The following PTPRD variants were observed in gnomAD, a reference collection of about 807,000 sequenced individuals.
PTPRD encodes the protein receptor-type tyrosine-protein phosphatase delta.
A neutral mutation model predicts 214.5 loss-of-function variants in PTPRD; 34 were observed. The observed-to-expected ratio is 0.16, with a 90% CI of 0.12 to 0.21. The LOEUF is 0.21. PTPRD is among the 10% of genes least tolerant of loss of function. The probability of loss-of-function intolerance (pLI) is 1.00; values close to 1 mark genes in which losing one functional copy is unlikely to be tolerated. For synonymous variants in PTPRD, 1,128 were observed against 845.7 expected (o/e 1.33, Z -5.79); for missense variants, 2,545 against 2,398.7 (o/e 1.06, Z -1.27).
chr9:10,376,695 C>A (rs1389892206), intron 2 of PTPRD, among the ~76,000 whole-genome samples: 1 of 151,650 alleles, frequency 6.6e-6, no homozygotes, highest in Non-Finnish European at 1.5e-5. Context: ...GAAGATAATT[C>A]TAAAATTTAT....
At chr9:9,384,575 A>G (rs1336182943) in intron 9 of PTPRD, among the ~76,000 whole-genome samples, 1 of 151,390 alleles carries the variant, frequency 6.6e-6, no homozygotes, top group Non-Finnish European at 1.5e-5. Flanking sequence ...AACTTTTCTA[A>G]TTAAGCCAAC....
intron 9 of PTPRD, among the ~76,000 whole-genome samples, chr9:9,209,087 C>CG (rs1201695198): frequency 6.6e-6 from 1 of 152,122 alleles, no homozygotes; most frequent in Non-Finnish European, 1.5e-5. Flanking sequence ...GAATTACAGG[C>CG]TTGAGCCACC....
chr9:9,082,818 A>G (rs535390641), intron 10 of PTPRD, among the ~76,000 whole-genome samples: 20 of 152,288 alleles, frequency 1.3e-4, no homozygotes, highest in African/African-American at 4.6e-4. Flanking sequence ...CAAAAAGAAT[A>G]AAATACCTAG....
At chr9:10,533,123 C>T (rs1417261632) in intron 2 of PTPRD, among the ~76,000 whole-genome samples, 1 of 152,102 alleles carries the variant, frequency 6.6e-6, no homozygotes, top group Non-Finnish European at 1.5e-5. Context: ...CTTGCTTCCT[C>T]TCTCCTACAT....
intron 7 of PTPRD, among the ~76,000 whole-genome samples, chr9:9,584,944 C>T (rs1189493330): frequency 2.0e-5 from 3 of 151,888 alleles, no homozygotes; most frequent in Non-Finnish European, 4.4e-5. Flanking sequence ...CCCTTTATTG[C>T]ACAACCACAA....
chr9:9,424,838 A>T (rs1349044111), intron 8 of PTPRD, among the ~76,000 whole-genome samples: 2 of 152,214 alleles, frequency 1.3e-5, no homozygotes, highest in Non-Finnish European at 2.9e-5. Context: ...ACGACAATTT[A>T]ATATATGCAT....
intron 2 of PTPRD, among the ~76,000 whole-genome samples, chr9:10,517,739 A>G (rs113450392): frequency 4.6e-5 from 7 of 152,198 alleles, no homozygotes; most frequent in South Asian, 4.1e-4. Context: ...AAGACAGAAG[A>G]AAGGGTCTTT....
intron 10 of PTPRD, among the ~76,000 whole-genome samples, chr9:9,026,455 C>T (rs2099587377): frequency 6.6e-6 from 1 of 151,906 alleles, no homozygotes; most frequent in Admixed American, 6.6e-5. Flanking sequence ...AAGATCAAGC[C>T]TATTATCTGT....
chr9:9,544,102 T>A (rs760291013), intron 8 of PTPRD, among the ~76,000 whole-genome samples: 3 of 151,612 alleles, frequency 2.0e-5, no homozygotes, highest in Non-Finnish European at 4.4e-5. Flanking sequence ...ATAACCTTGG[T>A]TTGAATTAAA....
intron 44 of PTPRD, among the ~76,000 whole-genome samples, chr9:8,327,346 GTT>G (rs3858062): frequency 0.057 from 7,463 of 130,386 alleles, 573 homozygotes; most frequent in African/African-American, 0.2. Flanking sequence ...GTTTTGAGTG[GTT>G]TTTTTTTTTA....
intron 11 of PTPRD, among the ~76,000 whole-genome samples, chr9:8,751,944 T>A (rs1317650165): frequency 6.6e-6 from 1 of 152,202 alleles, no homozygotes; most frequent in Non-Finnish European, 1.5e-5. Flanking sequence ...CCTTTCTACA[T>A]GCCTTGGCCA....
At chr9:9,678,525 A>C (rs747495041) in intron 7 of PTPRD, among the ~76,000 whole-genome samples, 30 of 152,010 alleles carry the variant, frequency 2.0e-4, no homozygotes, top group Non-Finnish European at 3.1e-4. Flanking sequence ...CACAATAAAA[A>C]ATCCTTCGTA....
At chr9:9,662,294 T>C (rs2096636786) in intron 7 of PTPRD, among the ~76,000 whole-genome samples, 1 of 151,676 alleles carries the variant, frequency 6.6e-6, no homozygotes, top group African/African-American at 2.4e-5. Flanking sequence ...CTATATGTAG[T>C]AGAAAAAGAA....
chr9:10,016,028 C>T (rs2096704833), intron 4 of PTPRD, among the ~76,000 whole-genome samples: 2 of 152,100 alleles, frequency 1.3e-5, no homozygotes, highest in African/African-American at 4.8e-5. Flanking sequence ...CAGGCTACAA[C>T]CACCTTCAAT....
chr9:9,454,193 T>A (rs551174842), intron 8 of PTPRD, among the ~76,000 whole-genome samples: 4 of 151,784 alleles, frequency 2.6e-5, no homozygotes. Context: ...TTTCCAGTGA[T>A]GAGCTAACAA....
At chr9:10,494,262 A>T (rs938818449) in intron 2 of PTPRD, among the ~76,000 whole-genome samples, 7 of 151,878 alleles carry the variant, frequency 4.6e-5, no homozygotes, top group African/African-American at 7.2e-5. Context: ...TCTAATCAAA[A>T]CACTTATCAT....
At position 9,946,174 on chromosome 9, in the gene PTPRD, T is replaced by G. The variant is rs191844714; in HGVS notation, c.-471-7564A>C. Among the ~76,000 whole-genome samples the G allele has an allele frequency of 2.6e-3, 397 of 152,172 alleles. 2 individuals carry two copies. Among genetic ancestry groups the G allele is most frequent in the African/African-American group, 9.0e-3 (374 of 41,534 alleles). On this transcript the variant is annotated intron_variant, in intron 4 of 45. Coordinates refer to ENST00000381196, the MANE Select transcript of PTPRD (RefSeq NM_002839.4). Reference sequence around the variant, plus strand: ...CTTCTAAGATAATAAGGCTTTGTGGTTTTCTTCTTCACTAGATTGCAAGCA... The same window carrying G: ...CTTCTAAGATAATAAGGCTTTGTGGGTTTCTTCTTCACTAGATTGCAAGCA...
chr9:8,935,277 T>C (rs1239248635), intron 11 of PTPRD, among the ~76,000 whole-genome samples: 3 of 152,166 alleles, frequency 2.0e-5, no homozygotes, highest in African/African-American at 7.2e-5. Context: ...AAAATCAGTA[T>C]TAAAAATCAA....
intron 43 of PTPRD, among the ~76,000 whole-genome samples, chr9:8,337,768 G>C (rs1287615962): frequency 6.6e-6 from 1 of 152,044 alleles, no homozygotes; most frequent in Admixed American, 6.6e-5. Flanking sequence ...GCCATTGGTG[G>C]GGCCTGGTGC....
Sources: gnomAD v4.1 joint callset for allele counts (sites outside exome capture counted in the v4.1 genomes callset) on GRCh38, gnomAD v4.1.1 for gene constraint, MANE v1.5 for transcripts, NCBI Gene and HGNC (gene_info 2026-07-23, HGNC 2026-07-21) for gene names.